SGCZ: variants seen among roughly 807,000 people sequenced by gnomAD.
SGCZ encodes sarcoglycan zeta, also known as zeta-sarcoglycan.
In SGCZ, 40 loss-of-function variants were observed where a neutral mutation model predicts 41.3. The ratio of observed to expected loss-of-function variants is 0.97; its 90% CI spans 0.75 to 1.26. SGCZ has a LOEUF of 1.26. SGCZ is among the 50% of genes most tolerant of loss of function. The pLI, the probability that SGCZ is intolerant of heterozygous loss-of-function variation, is 0.00. For synonymous variants in SGCZ, 206 were observed against 137.5 expected (o/e 1.50, Z -3.49); for missense variants, 552 against 369.8 (o/e 1.49, Z -4.04).
chr8:14,690,801 T>A (rs1389534027), intron 1 of SGCZ, among the ~76,000 whole-genome samples: 1 of 152,194 alleles, frequency 6.6e-6, no homozygotes, highest in African/African-American at 2.4e-5. Context: ...CAATTAAAAG[T>A]GTATTTGCTA....
At chr8:14,189,409 C>G (rs1805018598) in intron 4 of SGCZ, among the ~76,000 whole-genome samples, 1 of 152,214 alleles carries the variant, frequency 6.6e-6, no homozygotes, top group Non-Finnish European at 1.5e-5. Context: ...GAAGACCTCT[C>G]TGGTTCTTGC....
intron 1 of SGCZ, among the ~76,000 whole-genome samples, chr8:14,704,622 C>G (rs1809270200): frequency 1.3e-5 from 2 of 151,916 alleles, no homozygotes; most frequent in African/African-American, 4.8e-5. Context: ...CTCAAAGGCT[C>G]ACTTTCTCCA....
intron 1 of SGCZ, among the ~76,000 whole-genome samples, chr8:15,053,712 T>C (rs919868404): frequency 1.3e-5 from 2 of 152,190 alleles, no homozygotes; most frequent in Non-Finnish European, 2.9e-5. Flanking sequence ...TAAATGCTCT[T>C]AACAGATGCT....
intron 2 of SGCZ, among the ~76,000 whole-genome samples, chr8:14,510,656 G>A (rs956495813): frequency 1.3e-5 from 2 of 152,152 alleles, no homozygotes; most frequent in Non-Finnish European, 2.9e-5. Context: ...GCCTGTAAGG[G>A]CAGATATGAA....
intron 1 of SGCZ, among the ~76,000 whole-genome samples, chr8:15,016,869 CAA>C (rs749974729): frequency 7.9e-5 from 12 of 151,918 alleles, no homozygotes; most frequent in Admixed American, 2.0e-4. Context: ...TGTCATTTGG[CAA>C]GAGAGAGAGA....
chr8:14,237,446 T>C (rs188830361), intron 4 of SGCZ, 146 bp downstream of exon 4: 11 of 704,396 alleles, frequency 1.6e-5, no homozygotes, highest in Admixed American at 2.3e-5. Context: ...CCTCCCAAAG[T>C]GCACTCCAGC....
chr8:14,711,675 T>C (rs527789824), intron 1 of SGCZ, among the ~76,000 whole-genome samples: 21 of 149,508 alleles, frequency 1.4e-4, no homozygotes, highest in Non-Finnish European at 2.5e-4. Context: ...GATAGGAACA[T>C]ATGTAATAAG....
intron 3 of SGCZ, among the ~76,000 whole-genome samples, chr8:14,312,438 A>G (rs1043654170): frequency 2.0e-5 from 3 of 152,170 alleles, no homozygotes; most frequent in Non-Finnish European, 4.4e-5. Context: ...GAAAGAATAT[A>G]CTAGTTGGAG....
At chr8:14,309,235 C>G in intron 3 of SGCZ, 1 of 1,518,948 alleles carries the variant, frequency 6.6e-7, no homozygotes, top group Non-Finnish European at 9.1e-7. Flanking sequence ...TTGAAGACTT[C>G]TGGGCTCTGT....
At chr8:14,445,406 G>A (rs1037494202) in intron 2 of SGCZ, among the ~76,000 whole-genome samples, 1 of 152,156 alleles carries the variant, frequency 6.6e-6, no homozygotes, top group Non-Finnish European at 1.5e-5. Flanking sequence ...ACTTGGTAGA[G>A]GGAAGAGACA....
At chr8:14,487,566 T>C (rs574122576) in intron 2 of SGCZ, among the ~76,000 whole-genome samples, 5 of 145,624 alleles carry the variant, frequency 3.4e-5, no homozygotes, top group South Asian at 2.2e-4. Context: ...TTCTGTTTAG[T>C]GATAATTTAT....
intron 1 of SGCZ, among the ~76,000 whole-genome samples, chr8:15,063,856 C>G (rs1301490760): frequency 5.9e-5 from 9 of 152,158 alleles, no homozygotes; most frequent in Non-Finnish European, 1.3e-4. Flanking sequence ...AGAATTTTCA[C>G]TGCTTCATTT....
intron 1 of SGCZ, among the ~76,000 whole-genome samples, chr8:14,891,470 G>T (rs775371367): frequency 6.6e-6 from 1 of 152,174 alleles, no homozygotes; most frequent in Non-Finnish European, 1.5e-5. Context: ...TGACTGAATT[G>T]CTACAGTCTC....
intron 2 of SGCZ, among the ~76,000 whole-genome samples, chr8:14,348,252 A>T (rs1802960140): frequency 6.6e-6 from 1 of 152,004 alleles, no homozygotes; most frequent in African/African-American, 2.4e-5. Flanking sequence ...CCCCTTTTAA[A>T]TCTCTCCACT....
At chr8:14,827,845 A>AAC (rs142931389) in intron 1 of SGCZ, among the ~76,000 whole-genome samples, 166 of 151,190 alleles carry the variant, frequency 1.1e-3, no homozygotes, top group South Asian at 2.3e-3. Context: ...CACATTAATA[A>AAC]ACACACACAC....
intron 1 of SGCZ, among the ~76,000 whole-genome samples, chr8:15,152,503 G>A (rs1799207450): frequency 6.6e-6 from 1 of 152,164 alleles, no homozygotes; most frequent in South Asian, 2.1e-4. Flanking sequence ...GTCCTTGCAA[G>A]CTCCAAACTA....
At chr8:14,722,998 T>C (rs932756888) in intron 1 of SGCZ, among the ~76,000 whole-genome samples, 1 of 152,180 alleles carries the variant, frequency 6.6e-6, no homozygotes, top group African/African-American at 2.4e-5. Context: ...GTCACGCAGA[T>C]TCTAATTTCA....
intron 1 of SGCZ, among the ~76,000 whole-genome samples, chr8:14,820,866 G>C (rs779621457): frequency 1.5e-5 from 2 of 130,894 alleles, no homozygotes; most frequent in African/African-American, 6.8e-5. Flanking sequence ...TAAACCCCTA[G>C]ATCAAAAAAC....
chr8:15,162,006 G>A (rs763144792), intron 1 of SGCZ, among the ~76,000 whole-genome samples: 6 of 152,278 alleles, frequency 3.9e-5, no homozygotes, highest in Non-Finnish European at 8.8e-5. Flanking sequence ...ACTCCAGCCT[G>A]GGTAACAGCG....
Sources: allele counts gnomAD v4.1 joint callset (sites outside exome capture counted in the v4.1 genomes callset), GRCh38; gene constraint gnomAD v4.1.1; transcripts MANE v1.5; gene names NCBI Gene and HGNC (gene_info 2026-07-23, HGNC 2026-07-21).